The following TYR variants were observed in gnomAD, a reference collection of about 807,000 sequenced individuals.
TYR encodes tyrosinase.
In TYR, 58 loss-of-function variants were observed where a neutral mutation model predicts 51.5. That is an observed-to-expected ratio of 1.13 (90% CI 0.91 to 1.40). TYR has a LOEUF of 1.40. Ranked by LOEUF, TYR falls within the 40% of genes most tolerant of loss-of-function variation. The pLI is 0.00. For missense variants in TYR, 732 were observed against 647.4 expected (o/e 1.13, Z -1.42); for synonymous variants, 263 against 235.2 (o/e 1.12, Z -1.08).
chr11:89,212,882 T>A (rs1243484703), intron 2 of TYR, among the ~76,000 whole-genome samples: 1 of 152,164 alleles, frequency 6.6e-6, no homozygotes, highest in Non-Finnish European at 1.5e-5. Context: ...TTCAACAAAA[T>A]TCAACAGCTT....
At chr11:89,253,126 T>C (rs1429678018) in intron 3 of TYR, among the ~76,000 whole-genome samples, 5 of 151,724 alleles carry the variant, frequency 3.3e-5, no homozygotes, top group Non-Finnish European at 7.4e-5. Context: ...TCTTAATTCT[T>C]ATGCTCTCTT....
intron 3 of TYR, 27 bp from the exon 4 acceptor site, chr11:89,284,746 T>C (rs753784338): frequency 1.7e-5 from 27 of 1,606,596 alleles, no homozygotes; most frequent in Non-Finnish European, 1.7e-5. Context: ...ATATGTTTCT[T>C]AGTCTGAATA....
chr11:89,263,326 G>T lies in TYR; in HGVS notation c.1185-21447G>T, dbSNP rs545354773. 1.6e-4 allele frequency among the ~76,000 whole-genome samples: 24 copies of T among 151,538 alleles called. 1 individual carries two copies. Among genetic ancestry groups the T allele is most frequent in the African/African-American group, 5.8e-4 (24 of 41,398 alleles). The stretch of plus-strand genomic sequence containing the variant: ...GATTTAAAAAACAAACATGCATCAA[G>T]CTAGGAATAAAAAAAGAGCTTTCTC... On this transcript the variant is annotated intron_variant, in intron 3 of 4. Transcript: ENST00000263321.
chr11:89,269,793 G>C (rs1481176920), intron 3 of TYR, among the ~76,000 whole-genome samples: 1 of 151,778 alleles, frequency 6.6e-6, no homozygotes, highest in Admixed American at 6.6e-5. Context: ...CTCTTAAAGG[G>C]GCTGTTTTTC....
chr11:89,236,598 C>T (rs1944117431), intron 3 of TYR, among the ~76,000 whole-genome samples: 1 of 152,158 alleles, frequency 6.6e-6, no homozygotes, highest in Non-Finnish European at 1.5e-5. Flanking sequence ...CTGTGGGTTA[C>T]CACAGAATAT....
chr11:89,232,594 A>G lies in TYR; in HGVS notation c.1184+4624A>G, dbSNP rs541480839. 1.1e-4 allele frequency among the ~76,000 whole-genome samples: 15 copies of G among 142,556 alleles called. 4 individuals are homozygous for G. Among genetic ancestry groups the G allele is most frequent in the East Asian group, 2.0e-4 (1 of 4,936 alleles). The allele number at this position is 142,556 out of a possible 152,430, so 93.5% of individuals were successfully genotyped here. On this transcript the variant is annotated intron_variant, in intron 3 of 4. Transcript: ENST00000263321. Reference sequence around the variant, plus strand: ...TAACAGCTGAAAAACTACCTAATGTATAAGGTATACTATGTTCATAACCTC... The same window carrying G: ...TAACAGCTGAAAAACTACCTAATGTGTAAGGTATACTATGTTCATAACCTC...
chr11:89,212,265 A>T (rs543263649), intron 2 of TYR, among the ~76,000 whole-genome samples: 2 of 152,304 alleles, frequency 1.3e-5, no homozygotes, highest in Admixed American at 1.3e-4. Context: ...ATTGCCACTG[A>T]TCCCCCAGAA....
chr11:89,206,393 T>G (rs1943672717), intron 2 of TYR, among the ~76,000 whole-genome samples: 2 of 151,852 alleles, frequency 1.3e-5, no homozygotes, highest in Admixed American at 1.3e-4. Context: ...ATTATTGGAG[T>G]AAGAGAGGCA....
At chr11:89,253,433 A>G (rs1486034417) in intron 3 of TYR, among the ~76,000 whole-genome samples, 1 of 151,784 alleles carries the variant, frequency 6.6e-6, no homozygotes, top group Non-Finnish European at 1.5e-5. Flanking sequence ...TTCAATATTG[A>G]GTCTACCCAT....
At chr11:89,186,913 G>A (rs534375268) in intron 1 of TYR, among the ~76,000 whole-genome samples, 2 of 152,248 alleles carry the variant, frequency 1.3e-5, no homozygotes, top group Admixed American at 1.3e-4. Flanking sequence ...TAGAGAAACG[G>A]CAATGTGAAG....
intron 3 of TYR, among the ~76,000 whole-genome samples, chr11:89,277,632 C>G (rs1396861546): frequency 6.6e-6 from 1 of 151,720 alleles, no homozygotes; most frequent in African/African-American, 2.4e-5. Flanking sequence ...AGAATCATGA[C>G]ATCAGCATCC....
In TYR at chr11:89,178,773, G is replaced by T. The variant is rs772358456; in HGVS notation, c.819+1G>T. ...AGCATCATTCTTCTCCTCTTGGCAG[G>T]TAAGATATGCTAGATATACGATGTC... On this transcript the variant is annotated splice_donor_variant, in intron 1 of 4. Coordinates refer to ENST00000263321, the MANE Select transcript of TYR (RefSeq NM_000372.5). LOFTEE classifies it high-confidence loss of function. 6.2e-7 allele frequency: 1 copy of T among 1,613,916 alleles called. No individual in the cohort carries two copies. The highest frequency in any genetic ancestry group is 2.2e-5 in the East Asian group (1 of 44,862).
At chr11:89,280,897 T>G (rs1258598358) in intron 3 of TYR, among the ~76,000 whole-genome samples, 2 of 151,680 alleles carry the variant, frequency 1.3e-5, no homozygotes, top group African/African-American at 4.8e-5. Context: ...GTTTCTCTAG[T>G]GTATTTGTTT....
chr11:89,217,431 C>T (rs1350919047), intron 2 of TYR, among the ~76,000 whole-genome samples: 1 of 152,118 alleles, frequency 6.6e-6, no homozygotes, highest in East Asian at 1.9e-4. Flanking sequence ...GATGTATCTT[C>T]TCCATCTTCC....
rs1181107169 is a variant in TYR at position 89,178,198 on chromosome 11, C to G, written c.245C>G (p.Ser82Cys). The G allele has an allele frequency of 1.9e-6, 3 of 1,614,040 alleles. No individual in the cohort carries two copies. Among genetic ancestry groups the G allele is most frequent in the Admixed American group, 3.3e-5 (2 of 60,006 alleles). Residue 82 changes from serine to cysteine, a missense_variant, in exon 1 of 5, where the codon TCC (serine) becomes TGC (cysteine). Coordinates refer to ENST00000263321, the MANE Select transcript of TYR (RefSeq NM_000372.5). The part of the protein sequence containing the change: ...TGVDDRESWP[S>C]VFYNRTCQCS... Reference sequence around the variant, plus strand: ...GTGGATGACCGGGAGTCGTGGCCTTCCGTCTTTTATAATAGGACCTGCCAG... The same window carrying G: ...GTGGATGACCGGGAGTCGTGGCCTTGCGTCTTTTATAATAGGACCTGCCAG...
chr11:89,204,848 C>A (rs182754981), intron 2 of TYR, among the ~76,000 whole-genome samples: 3 of 148,676 alleles, frequency 2.0e-5, no homozygotes, highest in Non-Finnish European at 3.0e-5. Context: ...AGACAGCAGA[C>A]GTTAACACTG....
At chr11:89,190,268 T>C (rs1307924378) in intron 1 of TYR, among the ~76,000 whole-genome samples, 1 of 152,074 alleles carries the variant, frequency 6.6e-6, no homozygotes, top group East Asian at 1.9e-4. Flanking sequence ...TTTATAGAGA[T>C]TGTTATAGAG....
intron 3 of TYR, among the ~76,000 whole-genome samples, chr11:89,245,477 G>A (rs2135294784): frequency 6.6e-6 from 1 of 152,284 alleles, no homozygotes; most frequent in South Asian, 2.1e-4. Context: ...CTCCAACAAG[G>A]GAGCAGGAAC....
intron 3 of TYR, among the ~76,000 whole-genome samples, chr11:89,261,410 G>T (rs891840813): frequency 3.3e-5 from 5 of 151,972 alleles, no homozygotes; most frequent in African/African-American, 1.2e-4. Context: ...AGCTTGAATA[G>T]GTATACTAAT....
Sources: allele counts gnomAD v4.1 joint callset (sites outside exome capture counted in the v4.1 genomes callset), GRCh38; gene constraint gnomAD v4.1.1; transcripts MANE v1.5; gene names NCBI Gene and HGNC (gene_info 2026-07-23, HGNC 2026-07-21).